Variants in ENTPD1 observed in about 807,000 individuals in gnomAD.
ENTPD1 encodes the protein ATP diphosphohydrolase.
In ENTPD1, 33 loss-of-function variants were observed where a neutral mutation model predicts 57.0. The ratio of observed to expected loss-of-function variants is 0.58; its 90% confidence interval spans 0.44 to 0.77. The LOEUF (loss-of-function observed/expected upper bound fraction) is 0.77. Among genes scored for constraint, ENTPD1 ranks in the 30% least tolerant of loss-of-function variants. The pLI is 0.00. For synonymous variants in ENTPD1, 202 were observed against 218.8 expected, an observed-to-expected ratio of 0.92 and a Z score of 0.68; for missense variants, 501 against 603.4, an observed-to-expected ratio of 0.83 and a Z score of 1.78.
intron 1 of ENTPD1, among the ~76,000 whole-genome samples, chr10:95,781,521 T>A (rs1253164463): frequency 6.6e-6 from 1 of 152,126 alleles, no homozygotes; most frequent in Non-Finnish European, 1.5e-5. Context: ...TATTACGCAT[T>A]GCATGCCTGT....
intron 1 of ENTPD1, among the ~76,000 whole-genome samples, chr10:95,760,814 C>CTTTTT (rs71034350): frequency 0.043 from 2,721 of 62,880 alleles, 573 homozygotes; most frequent in African/African-American, 0.067. Flanking sequence ...AGAGTTTATT[C>CTTTTT]TTTTTTTTTT....
In ENTPD1 at chr10:95,744,386, A is replaced by G. The variant is rs537309014; in HGVS notation, c.37+32393A>G. ...AGTGGGGACTCATGCCTGTAATCCT[A>G]GCACTTTGGGAGGCCAAGGCAGGTG... On this transcript the variant is annotated intron_variant, in intron 1 of 9. Transcript: ENST00000453258. 7.3e-4 allele frequency among the ~76,000 whole-genome samples: 111 copies of G among 152,264 alleles called. 1 individual carries two copies. The highest frequency in any genetic ancestry group is 1.4e-3 in the Non-Finnish European group (96 of 68,012).
At chr10:95,768,311 T>C (rs1335396423) in intron 1 of ENTPD1, among the ~76,000 whole-genome samples, 1 of 152,156 alleles carries the variant, frequency 6.6e-6, no homozygotes, top group Non-Finnish European at 1.5e-5. Context: ...AGGACTTATT[T>C]AGGAGCAAGA....
intron 1 of ENTPD1, among the ~76,000 whole-genome samples, chr10:95,742,212 G>A (rs1280191507): frequency 2.0e-5 from 3 of 152,198 alleles, no homozygotes; most frequent in Non-Finnish European, 4.4e-5. Context: ...TGCTTGGCAA[G>A]TATTAATACA....
intron 2 of ENTPD1, among the ~76,000 whole-genome samples, chr10:95,837,659 G>T (rs975167099): frequency 1.4e-4 from 21 of 152,128 alleles, no homozygotes; most frequent in Non-Finnish European, 2.4e-4. Flanking sequence ...GGTCTGCACG[G>T]TGGTACTCCC....
At chr10:95,857,764 A>G (rs2098457724) in intron 7 of ENTPD1, among the ~76,000 whole-genome samples, 1 of 152,238 alleles carries the variant, frequency 6.6e-6, no homozygotes, top group African/African-American at 2.4e-5. Context: ...AACCAAGAAC[A>G]AGGGAAATTC....
intron 1 of ENTPD1, among the ~76,000 whole-genome samples, chr10:95,789,200 G>A (rs1189849917): frequency 6.6e-6 from 1 of 152,166 alleles, no homozygotes; most frequent in Non-Finnish European, 1.5e-5. Flanking sequence ...AATTTATTGA[G>A]AGCCCTTGAC....
chr10:95,808,801 G>C (rs895696802), intron 1 of ENTPD1, among the ~76,000 whole-genome samples: 3 of 151,724 alleles, frequency 2.0e-5, no homozygotes, highest in Admixed American at 1.3e-4. Context: ...TAGGACAATA[G>C]TGGAGAGAAG....
chr10:95,787,636 G>C (rs1293741017), intron 1 of ENTPD1, among the ~76,000 whole-genome samples: 1 of 152,138 alleles, frequency 6.6e-6, no homozygotes, highest in South Asian at 2.1e-4. Context: ...ACAGAGCTGG[G>C]ACAGAAGCAA....
chr10:95,804,119 T>C (rs1327018227), intron 1 of ENTPD1, among the ~76,000 whole-genome samples: 1 of 152,236 alleles, frequency 6.6e-6, no homozygotes, highest in African/African-American at 2.4e-5. Context: ...TGTAGTATAG[T>C]TTGAAGTCAG....
intron 1 of ENTPD1, among the ~76,000 whole-genome samples, chr10:95,724,293 G>T (rs1758879288): frequency 1.3e-5 from 2 of 152,022 alleles, no homozygotes; most frequent in African/African-American, 4.8e-5. Flanking sequence ...TCTAAGGAAG[G>T]ATAGGACAGA....
At chr10:95,751,676 C>T (rs1462883256), upstream of ENTPD1, among the ~76,000 whole-genome samples, 2 of 148,674 alleles carry the variant, frequency 1.3e-5, no homozygotes, top group African/African-American at 5.0e-5. Context: ...GATCGTGCCA[C>T]TGCACTCCAG....
At chr10:95,729,990 T>C (rs1363284113) in intron 1 of ENTPD1, among the ~76,000 whole-genome samples, 1 of 152,228 alleles carries the variant, frequency 6.6e-6, no homozygotes, top group Admixed American at 6.5e-5. Flanking sequence ...ATGTTTTTCC[T>C]AATTCACTGG....
At chr10:95,842,566 G>A in intron 4 of ENTPD1, 72 bp downstream of exon 4, 2 of 1,553,462 alleles carry the variant, frequency 1.3e-6, no homozygotes, top group East Asian at 2.3e-5. Flanking sequence ...TGAAGTTATG[G>A]GAAAGGGCCA....
rs1184816371 is a variant in ENTPD1, at chr10:95,841,280, G to A, written c.263-1064G>A. On this transcript the variant is annotated intron_variant, in intron 3 of 9. Transcript: ENST00000371205. ...TGCGTGCCTGTAGTCCCAGCTACTA[G>A]GGTGGCTGAGGCAGGAGAATCACTT... 5.9e-5 allele frequency among the ~76,000 whole-genome samples: 9 copies of A among 152,208 alleles called. No homozygotes were observed. In the East Asian group the frequency reaches 1.7e-3, roughly 29 times the overall value.
intron 1 of ENTPD1, among the ~76,000 whole-genome samples, chr10:95,812,291 C>A: frequency 6.6e-6 from 1 of 152,172 alleles, no homozygotes. Flanking sequence ...AATTTCTGTT[C>A]TTAGTTTTGC....
At chr10:95,819,729 C>T (rs2098342470) in intron 1 of ENTPD1, among the ~76,000 whole-genome samples, 1 of 152,160 alleles carries the variant, frequency 6.6e-6, no homozygotes, top group African/African-American at 2.4e-5. Context: ...ATTCCCCTCC[C>T]TTGTCACATC....
chr10:95,839,837 C>T, intron 3 of ENTPD1, 29 bp downstream of exon 3: 4 of 1,605,676 alleles, frequency 2.5e-6, no homozygotes, highest in Non-Finnish European at 3.4e-6. Flanking sequence ...GAAGGGGAGG[C>T]CAACAGTGGG....
intron 1 of ENTPD1, among the ~76,000 whole-genome samples, chr10:95,813,566 C>T (rs1003535308): frequency 6.6e-6 from 1 of 152,036 alleles, no homozygotes; most frequent in Non-Finnish European, 1.5e-5. Context: ...CTGTTAGGCC[C>T]TTGAGAAGGA....
Sources: allele counts gnomAD v4.1 joint callset (sites outside exome capture counted in the v4.1 genomes callset), GRCh38; gene constraint gnomAD v4.1.1; transcripts MANE v1.5; gene names NCBI Gene and HGNC (gene_info 2026-07-23, HGNC 2026-07-21).